PRELID2: variants seen among roughly 807,000 people sequenced by gnomAD.
The protein encoded by PRELID2 is PRELI domain-containing protein 2.
PRELID2 carries 25 observed loss-of-function variants against 28.4 expected under a neutral mutation model. That is an observed-to-expected ratio of 0.88 (90% CI 0.64 to 1.23). The LOEUF is 1.23. PRELID2 is among the 50% of genes most tolerant of loss of function. PRELID2 has a pLI of 0.00. For missense variants in PRELID2, 201 were observed against 214.4 expected (o/e 0.94, Z 0.39); for synonymous variants, 76 against 71.6 (o/e 1.06, Z -0.31).
chr5:145,508,012 T>G (rs1752426573), intron 1 of PRELID2, among the ~76,000 whole-genome samples: 1 of 152,206 alleles, frequency 6.6e-6, no homozygotes, highest in South Asian at 2.1e-4. Flanking sequence ...TCTCTTATTT[T>G]AGCATTAACT....
At chr5:145,372,309 A>C in the PRELID2 span, among the ~76,000 whole-genome samples, 1 of 152,130 alleles carries the variant, frequency 6.6e-6, no homozygotes, top group African/African-American at 2.4e-5. Context: ...GGTCTAAGAG[A>C]CTGTTTGTTA....
chr5:145,480,035 T>C (rs1752142798), intron 1 of PRELID2, among the ~76,000 whole-genome samples: 1 of 152,210 alleles, frequency 6.6e-6, no homozygotes, highest in Non-Finnish European at 1.5e-5. Context: ...ATAAAATCAA[T>C]GGCATGTTAA....
the PRELID2 span, among the ~76,000 whole-genome samples, chr5:145,230,459 A>T: frequency 6.6e-6 from 1 of 152,056 alleles, no homozygotes; most frequent in African/African-American, 2.4e-5. Context: ...CACGCCTGTA[A>T]TCCCAGCTAC....
chr5:145,519,529 G>A (rs1211883682), intron 1 of PRELID2, among the ~76,000 whole-genome samples: 1 of 152,106 alleles, frequency 6.6e-6, no homozygotes, highest in Admixed American at 6.5e-5. Context: ...TTATCCACTT[G>A]AAAAACATTA....
chr5:145,395,429 C>T, the PRELID2 span, among the ~76,000 whole-genome samples: 1 of 152,056 alleles, frequency 6.6e-6, no homozygotes, highest in Admixed American at 6.6e-5. Flanking sequence ...TAATTTTCCT[C>T]AGGGATGTGT....
chr5:145,579,223 T>C (rs1049617290), intron 1 of PRELID2, among the ~76,000 whole-genome samples: 2 of 152,084 alleles, frequency 1.3e-5, no homozygotes, highest in African/African-American at 2.4e-5. Context: ...AACATGATTA[T>C]TATGCATAAA....
At chr5:145,619,148 C>A (rs755245911) in intron 1 of PRELID2, among the ~76,000 whole-genome samples, 1 of 152,206 alleles carries the variant, frequency 6.6e-6, no homozygotes, top group African/African-American at 2.4e-5. Context: ...TCTTCCCCCA[C>A]GTGTGGAGTC....
At chr5:145,231,226 A>G in the PRELID2 span, among the ~76,000 whole-genome samples, 1 of 148,432 alleles carries the variant, frequency 6.7e-6, no homozygotes, top group East Asian at 2.0e-4. Context: ...TTTTTTTTTT[A>G]TTTTTTGTCA....
the PRELID2 span, among the ~76,000 whole-genome samples, chr5:145,342,451 C>A: frequency 6.6e-6 from 1 of 151,910 alleles, no homozygotes; most frequent in African/African-American, 2.4e-5. Flanking sequence ...AACCAGTAAA[C>A]AATTAAAAAT....
intron 1 of PRELID2, among the ~76,000 whole-genome samples, chr5:145,526,586 G>C (rs1484191709): frequency 6.6e-6 from 1 of 152,164 alleles, no homozygotes; most frequent in African/African-American, 2.4e-5. Flanking sequence ...AGGAAAATTA[G>C]ATGTCTAGAT....
the PRELID2 span, among the ~76,000 whole-genome samples, chr5:145,295,496 G>C: frequency 6.6e-6 from 1 of 152,086 alleles, no homozygotes; most frequent in Non-Finnish European, 1.5e-5. Flanking sequence ...AAAACTAAAA[G>C]AAATTGATTG....
intron 1 of PRELID2, among the ~76,000 whole-genome samples, chr5:145,713,914 A>G (rs1010417375): frequency 5.3e-5 from 8 of 151,674 alleles, no homozygotes; most frequent in Non-Finnish European, 1.2e-4. Context: ...TGTTCTTCAA[A>G]TATGTGTTCT....
intron 1 of PRELID2, among the ~76,000 whole-genome samples, chr5:145,701,787 C>T (rs1324593877): frequency 2.0e-5 from 3 of 152,280 alleles, no homozygotes; most frequent in South Asian, 4.2e-4. Context: ...CGCAGTGGCT[C>T]ACCCCTGTAA....
intron 1 of PRELID2, among the ~76,000 whole-genome samples, chr5:145,668,925 T>C (rs1269034803): frequency 6.6e-6 from 1 of 152,094 alleles, no homozygotes. Context: ...AGGTCCAAAG[T>C]TCTTTTCTAT....
the PRELID2 span, among the ~76,000 whole-genome samples, chr5:145,349,478 A>C: frequency 1.3e-5 from 2 of 152,034 alleles, no homozygotes; most frequent in African/African-American, 4.8e-5. Flanking sequence ...GAAGCCACTT[A>C]TTATTATATG....
chr5:145,821,763 T>C (rs1229921091), intron 2 of PRELID2, among the ~76,000 whole-genome samples: 1 of 152,208 alleles, frequency 6.6e-6, no homozygotes, highest in East Asian at 1.9e-4. Flanking sequence ...AAGGCAAAGA[T>C]GCCCCTGACG....
intron 6 of PRELID2, among the ~76,000 whole-genome samples, chr5:145,763,907 C>T (rs1757597074): frequency 6.6e-6 from 1 of 152,084 alleles, no homozygotes; most frequent in South Asian, 2.1e-4. Context: ...GAAACCCCAT[C>T]TCTACTAAAA....
the PRELID2 span, among the ~76,000 whole-genome samples, chr5:145,415,731 C>A: frequency 1.3e-5 from 2 of 151,824 alleles, no homozygotes; most frequent in African/African-American, 4.8e-5. Context: ...AATAGTGCCA[C>A]AATAAACATA....
At chr5:145,377,265 A>T in the PRELID2 span, among the ~76,000 whole-genome samples, 1 of 152,144 alleles carries the variant, frequency 6.6e-6, no homozygotes, top group African/African-American at 2.4e-5. Flanking sequence ...GTTTGTTATG[A>T]TTTCAGTTCT....
Sources: gnomAD v4.1 joint callset for allele counts (sites outside exome capture counted in the v4.1 genomes callset) on GRCh38, gnomAD v4.1.1 for gene constraint, MANE v1.5 for transcripts, NCBI Gene and HGNC (gene_info 2026-07-23, HGNC 2026-07-21) for gene names.